Variants in C10orf67 observed in about 807,000 individuals in gnomAD.
C10orf67 encodes uncharacterized protein C10orf67, mitochondrial.
C10orf67 carries 60 observed loss-of-function variants against 35.6 expected under a neutral mutation model. The ratio of observed to expected loss-of-function variants is 1.68; its 90% confidence interval spans 1.37 to 2.09. The LOEUF is 2.09. C10orf67 is among the 30% of genes most tolerant of loss of function. The pLI is 0.00. For missense variants in C10orf67, 474 were observed against 330.2 expected, an observed-to-expected ratio of 1.44 and a Z score of -3.38; for synonymous variants, 167 against 115.8, an observed-to-expected ratio of 1.44 and a Z score of -2.84.
At chr10:23,227,098 G>A (rs915921898) in intron 13 of C10orf67, among the ~76,000 whole-genome samples, 1 of 152,156 alleles carries the variant, frequency 6.6e-6, no homozygotes, top group Non-Finnish European at 1.5e-5. Flanking sequence ...TATGAGGCCA[G>A]CATCATCCTG....
At chr10:23,227,239 A>G (rs1841765849) in intron 13 of C10orf67, among the ~76,000 whole-genome samples, 1 of 152,246 alleles carries the variant, frequency 6.6e-6, no homozygotes, top group Admixed American at 6.5e-5. Context: ...CTTATCCAAC[A>G]TGATCAAGTG....
At chr10:23,248,244 G>T (rs561680924) in intron 12 of C10orf67, among the ~76,000 whole-genome samples, 1 of 152,320 alleles carries the variant, frequency 6.6e-6, no homozygotes, top group Middle Eastern at 3.4e-3. Context: ...TGCCGCCTGG[G>T]GTGGAGGTGG....
intron 2 of C10orf67, among the ~76,000 whole-genome samples, chr10:23,327,288 A>G (rs879367332): frequency 3.9e-5 from 6 of 152,200 alleles, no homozygotes; most frequent in Non-Finnish European, 8.8e-5. Flanking sequence ...TACTAATAGA[A>G]TAAATTAGCT....
At chr10:23,344,378 C>G (rs1454885261) in intron 1 of C10orf67, 191 bp downstream of exon 1, 15 of 620,954 alleles carry the variant, frequency 2.4e-5, no homozygotes, top group African/African-American at 2.2e-4. Context: ...GCGGGGCGGG[C>G]TCCCAAGCCA....
At chr10:23,223,312 G>T (rs117181609) in intron 15 of C10orf67, among the ~76,000 whole-genome samples, 9 of 152,014 alleles carry the variant, frequency 5.9e-5, no homozygotes, top group Non-Finnish European at 1.3e-4. Flanking sequence ...TCAAACTCCT[G>T]GTTTCAAGTG....
At chr10:23,323,396 A>G (rs1201207910) in intron 2 of C10orf67, among the ~76,000 whole-genome samples, 2 of 152,004 alleles carry the variant, frequency 1.3e-5, no homozygotes, top group African/African-American at 4.8e-5. Flanking sequence ...GGTGGGTGAA[A>G]CTCAGGTGAG....
intron 10 of C10orf67, among the ~76,000 whole-genome samples, chr10:23,251,777 T>C (rs911050397): frequency 6.6e-6 from 1 of 152,186 alleles, no homozygotes; most frequent in Non-Finnish European, 1.5e-5. Context: ...TTTTCATGTG[T>C]CCCAATAGGT....
chr10:23,307,610 T>TTTTG, intron 4 of C10orf67, among the ~76,000 whole-genome samples: 1 of 71,938 alleles, frequency 1.4e-5, no homozygotes, highest in African/African-American at 7.6e-5. Context: ...TTTATTTAGT[T>TTTTG]TTTTTTTTTT....
chr10:23,287,759 T>C (rs1023296004), intron 7 of C10orf67, among the ~76,000 whole-genome samples: 8 of 151,874 alleles, frequency 5.3e-5, no homozygotes, highest in African/African-American at 1.9e-4. Flanking sequence ...ACAAGGAACT[T>C]AATCAAATTT....
Position 23,304,118 on chromosome 10 carries a change from C to A in C10orf67, c.547-659G>T, listed in dbSNP as rs767485626. Among the ~76,000 whole-genome samples, 232 of 152,320 alleles carry A rather than the reference C, an allele frequency of 1.5e-3. 1 individual carries two copies. The highest frequency in any genetic ancestry group is 2.1e-3 in the Non-Finnish European group (141 of 68,028). On this transcript the variant is annotated intron_variant, in intron 4 of 15. Transcript: ENST00000636213. ...GAATCAGCTCTGTAACTCAACCAAA[C>A]CCACTTTCAGCTGCAGTTTGAGACC...
At chr10:23,217,505 G>T (rs1841463440) in intron 15 of C10orf67, among the ~76,000 whole-genome samples, 1 of 152,088 alleles carries the variant, frequency 6.6e-6, no homozygotes, top group Non-Finnish European at 1.5e-5. Flanking sequence ...CACTTTCTCA[G>T]TGTTTTGTTA....
intron 13 of C10orf67, among the ~76,000 whole-genome samples, chr10:23,236,253 G>GGAAAAAA (rs1842047414): frequency 9.2e-5 from 7 of 75,802 alleles, no homozygotes; most frequent in African/African-American, 3.6e-4. Context: ...CCTCTCGGGG[G>GGAAAAAA]AAAAAAAAAA....
chr10:23,289,492 A>G (rs538933468), intron 7 of C10orf67, among the ~76,000 whole-genome samples: 2 of 152,298 alleles, frequency 1.3e-5, no homozygotes, highest in African/African-American at 4.8e-5. Context: ...ATTCTACCAA[A>G]AGAATTCCCT....
chr10:23,217,577 C>T (rs895604312), intron 15 of C10orf67, among the ~76,000 whole-genome samples: 1 of 152,106 alleles, frequency 6.6e-6, no homozygotes, highest in Non-Finnish European at 1.5e-5. Flanking sequence ...CAGTCTGCAA[C>T]CAGGCAGCAA....
chr10:23,211,354 C>G (rs902544264), intron 15 of C10orf67, among the ~76,000 whole-genome samples: 1 of 152,168 alleles, frequency 6.6e-6, no homozygotes, highest in Non-Finnish European at 1.5e-5. Flanking sequence ...TTGAGTCCAC[C>G]TGGAAGACCT....
intron 5 of C10orf67, among the ~76,000 whole-genome samples, chr10:23,303,074 A>T (rs1383793701): frequency 6.6e-6 from 1 of 152,146 alleles, no homozygotes; most frequent in African/African-American, 2.4e-5. Flanking sequence ...TTTAAACAAA[A>T]ATTGTATTTT....
intron 1 of C10orf67, among the ~76,000 whole-genome samples, chr10:23,333,596 A>G (rs1172684048): frequency 2.0e-5 from 3 of 152,204 alleles, no homozygotes; most frequent in African/African-American, 7.2e-5. Context: ...TCTATTAGAA[A>G]ATCTGTGAGA....
At chr10:23,322,244 T>A (rs1448094833) in intron 3 of C10orf67, 150 bp downstream of exon 3, 3 of 703,806 alleles carry the variant, frequency 4.3e-6, no homozygotes, top group Non-Finnish European at 6.6e-6. Flanking sequence ...CCCTGACACA[T>A]AGTGAAGCTC....
At chr10:23,223,957 G>A (rs962330897) in intron 13 of C10orf67, 139 bp from the exon 14 acceptor site, 35 of 618,424 alleles carry the variant, frequency 5.7e-5, no homozygotes, top group African/African-American at 1.1e-4. Context: ...ATATGGCTGC[G>A]GAAATCCTTT....
Sources: allele counts gnomAD v4.1 joint callset (sites outside exome capture counted in the v4.1 genomes callset), GRCh38; gene constraint gnomAD v4.1.1; transcripts MANE v1.5; gene names NCBI Gene and HGNC (gene_info 2026-07-23, HGNC 2026-07-21).